Variants in COL13A1 observed in about 807,000 individuals in gnomAD.
The protein encoded by COL13A1 is collagen type XIII alpha 1 chain.
COL13A1 carries 89 observed loss-of-function variants against 130.9 expected under a neutral mutation model. The ratio of observed to expected loss-of-function variants is 0.68; its 90% confidence interval spans 0.57 to 0.81. The LOEUF (loss-of-function observed/expected upper bound fraction) is 0.81. COL13A1 is among the 30% of genes least tolerant of loss of function. The pLI, the probability that COL13A1 is intolerant of heterozygous loss-of-function variation, is 0.00. For missense variants in COL13A1, 879 were observed against 934.6 expected (o/e 0.94, Z 0.78); for synonymous variants, 402 against 341.6 (o/e 1.18, Z -1.95).
intron 2 of COL13A1, among the ~76,000 whole-genome samples, chr10:69,848,958 G>A (rs10998999): frequency 0.096 from 14,648 of 152,120 alleles, 904 homozygotes; most frequent in Middle Eastern, 0.26. Flanking sequence ...ATTTCCTGCC[G>A]CTGCCTCTGT....
intron 38 of COL13A1, among the ~76,000 whole-genome samples, chr10:69,949,930 T>TTGTG (rs375171960): frequency 1.2e-4 from 10 of 86,864 alleles, no homozygotes; most frequent in African/African-American, 4.0e-4. Context: ...GCACGCATGT[T>TTGTG]TGTGTGTGTG....
At chr10:69,832,945 G>T (rs554604218) in intron 2 of COL13A1, among the ~76,000 whole-genome samples, 18 of 152,320 alleles carry the variant, frequency 1.2e-4, no homozygotes, top group African/African-American at 3.6e-4. Flanking sequence ...TCTGGATTTT[G>T]CAGGAAATCC....
chr10:69,857,837 G>T (rs1352532009), intron 2 of COL13A1, among the ~76,000 whole-genome samples: 1 of 152,202 alleles, frequency 6.6e-6, no homozygotes, highest in African/African-American at 2.4e-5. Flanking sequence ...CGCCTGGTTG[G>T]CTGGGCGCGG....
chr10:69,866,107 A>G (rs914662195), intron 2 of COL13A1, among the ~76,000 whole-genome samples: 3 of 152,216 alleles, frequency 2.0e-5, no homozygotes, highest in Admixed American at 1.3e-4. Context: ...AGTAGAATTT[A>G]TATCCTCCAG....
At chr10:69,880,645 C>A (rs74608439) in intron 7 of COL13A1, 92 bp downstream of exon 7, 12 of 1,359,070 alleles carry the variant, frequency 8.8e-6, no homozygotes, top group Non-Finnish European at 2.1e-6. Flanking sequence ...ACAGCGAGGG[C>A]GGCTGTGCCC....
intron 3 of COL13A1, among the ~76,000 whole-genome samples, chr10:69,868,032 G>A (rs960847168): frequency 1.3e-5 from 2 of 151,344 alleles, no homozygotes; most frequent in Non-Finnish European, 2.9e-5. Flanking sequence ...TGCCCCCAGG[G>A]CAAAGCAGGC....
At chr10:69,803,557 G>A (rs548273076) in intron 1 of COL13A1, among the ~76,000 whole-genome samples, 12 of 152,294 alleles carry the variant, frequency 7.9e-5, no homozygotes, top group Admixed American at 2.0e-4. Context: ...AGGGGATTCA[G>A]GGCCCAGATA....
In COL13A1 at chr10:69,802,644, G is replaced by T. The variant is rs375168437; in HGVS notation, c.221G>T (p.Arg74Leu). ...GCCGAGCTGCAGGCCCGGGTGCTGC[G>T]CCTGGAAGCGGAGCGCGGGGAGCAG... Reference protein sequence around the residue: ...RTAELQARVLRLEAERGEQQM... With the variant: ...RTAELQARVLLLEAERGEQQM... The change falls in exon 1 of 41, where the codon CGC becomes CTC. Residue 74 changes from arginine to leucine, a missense_variant. By Grantham distance (102) the Arg-to-Leu change is moderately radical. Around this residue, in one of 3 missense-constraint regions of COL13A1, gnomAD observed 715 missense variants for 721.0 expected, o/e 0.99. Transcript: ENST00000645393. 534 of 1,613,372 alleles carry T rather than the reference G, an allele frequency of 3.3e-4. 1 individual carries two copies. The highest frequency in any genetic ancestry group is 4.3e-4 in the Non-Finnish European group (507 of 1,179,598).
intron 15 of COL13A1, among the ~76,000 whole-genome samples, chr10:69,903,765 G>A (rs947154142): frequency 6.6e-6 from 1 of 152,210 alleles, no homozygotes. Context: ...GAAACATAAT[G>A]TTTGTGCGCA....
intron 12 of COL13A1, among the ~76,000 whole-genome samples, 188 bp downstream of exon 12, chr10:69,894,889 G>A (rs1194066950): frequency 1.3e-5 from 2 of 152,158 alleles, no homozygotes; most frequent in African/African-American, 4.8e-5. Context: ...GGAGTGAGGG[G>A]TCCTCCTGGA....
At chr10:69,870,801 T>TGAGCCACACACTTGGCTC (rs1239493795) in intron 3 of COL13A1, among the ~76,000 whole-genome samples, 1 of 150,422 alleles carries the variant, frequency 6.6e-6, no homozygotes, top group African/African-American at 2.4e-5. Context: ...CCTGTGCACA[T>TGAGCCACACACTTGGCTC]GAGCCACACA....
At chr10:69,878,484 C>G (rs1458800633) in intron 6 of COL13A1, among the ~76,000 whole-genome samples, 2 of 147,732 alleles carry the variant, frequency 1.4e-5, no homozygotes, top group Non-Finnish European at 3.0e-5. Context: ...GAGAGCAACA[C>G]TTCTTTTTTT....
rs57574051 is a variant in COL13A1 at position 69,911,804 on chromosome 10, T to C, written c.922-5485T>C. Among the ~76,000 whole-genome samples, 720 of 152,344 alleles carry C rather than the reference T, an allele frequency of 4.7e-3. 19 individuals are homozygous for C. The highest frequency in any genetic ancestry group is 0.044 in the East Asian group (228 of 5,184). The stretch of plus-strand genomic sequence containing the variant: ...GCTTTGCCCATTGGCACTGACTCCA[T>C]CCAAATAAGTCCCTCAGGGAGTTGG... On this transcript the variant is annotated intron_variant, in intron 17 of 40. Transcript: ENST00000645393.
chr10:69,882,117 G>T (rs527923360), intron 7 of COL13A1, among the ~76,000 whole-genome samples: 2 of 152,330 alleles, frequency 1.3e-5, no homozygotes, highest in African/African-American at 4.8e-5. Flanking sequence ...GTGATGGGAA[G>T]GTCATAGAAA....
chr10:69,862,379 A>G (rs1242640242), intron 2 of COL13A1, among the ~76,000 whole-genome samples: 2 of 152,148 alleles, frequency 1.3e-5, no homozygotes, highest in African/African-American at 4.8e-5. Context: ...TGCTCCCGGG[A>G]CATCAAATAA....
intron 21 of COL13A1, among the ~76,000 whole-genome samples, chr10:69,920,987 G>A (rs779892929): frequency 1.3e-5 from 2 of 152,170 alleles, no homozygotes; most frequent in African/African-American, 2.4e-5. Flanking sequence ...GAGTTCTTCC[G>A]TAGTGGAAGA....
chr10:69,823,775 C>A (rs1382356653), intron 2 of COL13A1, among the ~76,000 whole-genome samples: 5 of 152,054 alleles, frequency 3.3e-5, no homozygotes, highest in African/African-American at 1.2e-4. Flanking sequence ...AAAAGGGTGT[C>A]CAGAAGCCCT....
At chr10:69,926,886 C>G (rs1295492763) in intron 26 of COL13A1, among the ~76,000 whole-genome samples, 1 of 152,166 alleles carries the variant, frequency 6.6e-6, no homozygotes, top group East Asian at 1.9e-4. Flanking sequence ...CGTATTCTCT[C>G]TCCAGTGATT....
intron 19 of COL13A1, among the ~76,000 whole-genome samples, chr10:69,918,861 A>C (rs1173119711): frequency 6.6e-6 from 1 of 152,142 alleles, no homozygotes; most frequent in Non-Finnish European, 1.5e-5. Context: ...CTGGGGAAGA[A>C]TAGGACCCTC....
Sources: allele counts gnomAD v4.1 joint callset (sites outside exome capture counted in the v4.1 genomes callset), GRCh38; gene constraint gnomAD v4.1.1; regional missense constraint gnomAD v4.1.1; transcripts MANE v1.5; gene names NCBI Gene and HGNC (gene_info 2026-07-23, HGNC 2026-07-21).